MTREX: variants seen among roughly 807,000 people sequenced by gnomAD.
The protein encoded by MTREX is exosome RNA helicase MTR4.
Under a neutral mutation model 135.4 loss-of-function variants are expected in MTREX, and 76 were observed. The ratio of observed to expected loss-of-function variants is 0.56; its 90% CI spans 0.47 to 0.68. The LOEUF is 0.68. Among genes scored for constraint, MTREX ranks in the 30% least tolerant of loss-of-function variants. The pLI is 0.00. For missense variants in MTREX, 920 were observed against 1,262.1 expected (o/e 0.73, Z 4.11); for synonymous variants, 404 against 401.6 (o/e 1.01, Z -0.07).
intron 25 of MTREX, among the ~76,000 whole-genome samples, chr5:55,422,177 ATC>A (rs1751065153): frequency 1.3e-5 from 2 of 152,272 alleles, no homozygotes; most frequent in South Asian, 4.2e-4. Context: ...GGATCTCACA[ATC>A]TCTGCTCCTC....
chr5:55,330,698 G>A (rs1391764059), intron 5 of MTREX, among the ~76,000 whole-genome samples: 1 of 150,156 alleles, frequency 6.7e-6, no homozygotes, highest in Non-Finnish European at 1.5e-5. Context: ...ACTTGAGTTT[G>A]TAGGGTTTCT....
chr5:55,375,338 G>A (rs1446966448), intron 16 of MTREX, among the ~76,000 whole-genome samples: 3 of 152,168 alleles, frequency 2.0e-5, no homozygotes, highest in Non-Finnish European at 2.9e-5. Flanking sequence ...TCGAACATAA[G>A]AGACAGGTAC....
intron 21 of MTREX, among the ~76,000 whole-genome samples, chr5:55,403,168 T>G (rs928383212): frequency 6.6e-6 from 1 of 151,818 alleles, no homozygotes; most frequent in Non-Finnish European, 1.5e-5. Context: ...ACGACTGTAC[T>G]CCAGCCTGGG....
intron 23 of MTREX, among the ~76,000 whole-genome samples, chr5:55,413,290 T>C (rs1750912380): frequency 6.6e-6 from 1 of 151,116 alleles, no homozygotes; most frequent in Non-Finnish European, 1.5e-5. Flanking sequence ...TGAGCCGAGA[T>C]TGCACCATTG....
intron 1 of MTREX, among the ~76,000 whole-genome samples, chr5:55,309,224 T>A (rs1476572298): frequency 6.6e-6 from 1 of 152,182 alleles, no homozygotes; most frequent in African/African-American, 2.4e-5. Flanking sequence ...GAGATAAGAC[T>A]GGGAATATAC....
rs1217627362 is a variant in MTREX at position 55,324,193 on chromosome 5, C to G, written c.334C>G (p.His112Asp). 6.2e-7 allele frequency: 1 copy of G among 1,607,352 alleles called. No homozygotes were observed. Among genetic ancestry groups the G allele is most frequent in the Non-Finnish European group, 8.5e-7 (1 of 1,176,214 alleles). The change falls in exon 3 of 27, where the codon CAT becomes GAT. Residue 112 changes from histidine to aspartate, a missense_variant. Physicochemically the swap from His to Asp is moderately conservative, Grantham distance 81 (BLOSUM62 -1). Around this residue, in one of 6 missense-constraint regions of MTREX, gnomAD observed 82 missense variants for 107.4 expected, o/e 0.76. Transcript: ENST00000230640. ...AGTTGAAACTGTTGAAGGGTGTACA[C>G]ATGAGGTAAGCACAAACAGCATACA... ...QSVETVEGCT[H>D]EVALPAEEDY...
At chr5:55,402,743 TTCCTGCCCCC>T (rs1750740998) in intron 21 of MTREX, among the ~76,000 whole-genome samples, 1 of 151,844 alleles carries the variant, frequency 6.6e-6, no homozygotes, top group Non-Finnish European at 1.5e-5. Context: ...TTTTTTTCTT[TTCCTGCCCCC>T]TCCCCATCAT....
At chr5:55,316,623 A>T (rs568460702) in intron 1 of MTREX, among the ~76,000 whole-genome samples, 2 of 152,310 alleles carry the variant, frequency 1.3e-5, no homozygotes, top group South Asian at 4.2e-4. Context: ...TAGGTATTGA[A>T]GGAACACACC....
Position 55,378,475 on chromosome 5 carries a change from C to A in MTREX, c.1972C>A (p.Arg658Ser). ...KYCLPFLQPG[R>S]LVKVKNEGDD... Reference sequence around the variant, plus strand: ...CTGCTTACCTTTTCTACAACCAGGTCGTTTGGTAAAGGTATGTCATTGTTT... The same window carrying A: ...CTGCTTACCTTTTCTACAACCAGGTAGTTTGGTAAAGGTATGTCATTGTTT... The change falls in exon 17 of 27, where the codon CGT becomes AGT. Residue 658 changes from arginine to serine, a missense_variant. Physicochemically the swap from Arg to Ser is moderately radical, Grantham distance 110 (BLOSUM62 -1). Transcript: ENST00000230640. 2.5e-6 allele frequency: 4 copies of A among 1,606,656 alleles called. No homozygotes were observed. The South Asian group carries it at 4.5e-5, about 18-fold the overall frequency.
chr5:55,392,672 C>G (rs942135537), intron 19 of MTREX, among the ~76,000 whole-genome samples: 3 of 152,078 alleles, frequency 2.0e-5, no homozygotes, highest in Non-Finnish European at 4.4e-5. Flanking sequence ...TGTACAGTTT[C>G]ATGGTCAGAC....
intron 24 of MTREX, among the ~76,000 whole-genome samples, chr5:55,415,547 G>A (rs1750954008): frequency 6.6e-6 from 1 of 152,204 alleles, no homozygotes; most frequent in African/African-American, 2.4e-5. Context: ...TCTCAACTTA[G>A]AGGAAAACAA....
At chr5:55,330,100 G>T (rs968735894) in intron 5 of MTREX, among the ~76,000 whole-genome samples, 1 of 151,926 alleles carries the variant, frequency 6.6e-6, no homozygotes. Flanking sequence ...TGTTTTTGAG[G>T]CAGGGTCTTG....
intron 25 of MTREX, among the ~76,000 whole-genome samples, chr5:55,418,019 G>A (rs1285912625): frequency 1.3e-5 from 2 of 151,410 alleles, no homozygotes; most frequent in Non-Finnish European, 3.0e-5. Flanking sequence ...CGGATCAGGA[G>A]GTCAGGAAAT....
chr5:55,376,806 A>G (rs7718288), intron 16 of MTREX, among the ~76,000 whole-genome samples: 60,166 of 151,964 alleles, frequency 0.4, 12,845 homozygotes, highest in African/African-American at 0.55. Context: ...GTGGTGGCTC[A>G]CGCCTGTAAT....
intron 21 of MTREX, among the ~76,000 whole-genome samples, chr5:55,402,852 A>ATATGTGTGTG (rs1554034705): frequency 8.7e-6 from 1 of 114,490 alleles, no homozygotes; most frequent in African/African-American, 3.1e-5. Flanking sequence ...ATGTGTATGT[A>ATATGTGTGTG]TGTGTGTGTG....
chr5:55,394,444 T>C (rs1369022175), intron 19 of MTREX, among the ~76,000 whole-genome samples: 3 of 152,172 alleles, frequency 2.0e-5, no homozygotes, highest in Admixed American at 2.0e-4. Flanking sequence ...GAAGATAGTT[T>C]TTCCATGGAC....
intron 1 of MTREX, 51 bp downstream of exon 1, chr5:55,308,198 G>A: frequency 6.5e-7 from 1 of 1,534,148 alleles, no homozygotes; most frequent in Non-Finnish European, 8.7e-7. Context: ...CGGTGGGGAG[G>A]AAGAAAACAC....
At chr5:55,346,269 A>C (rs560625104) in intron 10 of MTREX, among the ~76,000 whole-genome samples, 16 of 152,098 alleles carry the variant, frequency 1.1e-4, no homozygotes, top group African/African-American at 1.4e-4. Flanking sequence ...TGGCTATACC[A>C]TTTTACATTT....
intron 10 of MTREX, among the ~76,000 whole-genome samples, chr5:55,345,444 C>G (rs1021863762): frequency 6.6e-6 from 1 of 152,150 alleles, no homozygotes; most frequent in Non-Finnish European, 1.5e-5. Context: ...GCCATCACCA[C>G]TGTCTAGTTC....
Sources: allele counts gnomAD v4.1 joint callset (sites outside exome capture counted in the v4.1 genomes callset), GRCh38; gene constraint gnomAD v4.1.1; regional missense constraint gnomAD v4.1.1; transcripts MANE v1.5; gene names NCBI Gene and HGNC (gene_info 2026-07-23, HGNC 2026-07-21).